Variants in CNKSR2 observed in about 807,000 individuals in gnomAD.
CNKSR2 encodes the protein connector enhancer of kinase suppressor of Ras 2.
A neutral mutation model predicts 84.4 loss-of-function variants in CNKSR2; 14 were observed. That is an observed-to-expected ratio of 0.17 (90% CI 0.11 to 0.26). The LOEUF is 0.26. CNKSR2 is among the 10% of genes least tolerant of loss of function. The pLI, the probability that CNKSR2 is intolerant of heterozygous loss-of-function variation, is 1.00. For missense variants in CNKSR2, 485 were observed against 771.2 expected (o/e 0.63, Z 4.40); for synonymous variants, 275 against 277.9 (o/e 0.99, Z 0.10).
chrX:21,418,175 A>G (rs1268821437), intron 1 of CNKSR2, among the ~76,000 whole-genome samples: 3 of 111,834 alleles, frequency 2.7e-5, no homozygotes, highest in African/African-American at 9.7e-5. Flanking sequence ...TAAAAACTCT[A>G]TGCCTCAACT....
At chrX:21,591,723 A>G (rs1007827608) in intron 15 of CNKSR2, 6 of 110,608 alleles carry the variant, frequency 5.4e-5, no homozygotes, top group Admixed American at 9.7e-5. Context: ...GGGTATATAT[A>G]TAATACATTT....
intron 4 of CNKSR2, among the ~76,000 whole-genome samples, chrX:21,461,349 T>A (rs968205300): frequency 8.9e-6 from 1 of 112,663 alleles, no homozygotes. Context: ...AACTGTCTAT[T>A]CAAATCTTTT....
In CNKSR2 at chrX:21,445,552, G is replaced by A. The variant is rs191470177; in HGVS notation, c.519+4771G>A. On this transcript the variant is annotated intron_variant, in intron 4 of 21. Transcript: ENST00000379510. The stretch of plus-strand genomic sequence containing the variant: ...TAGAACACTAGGATTTTTTCCTCCC[G>A]TCTAGCTGTAATTTTGTATCTATTA... 4.3e-4 allele frequency among the ~76,000 whole-genome samples: 47 copies of A among 110,141 alleles called. No individual in the cohort carries two copies. In the South Asian group the frequency reaches 7.3e-3, roughly 17 times the overall value.
chrX:21,484,152 G>A (rs1034376712), intron 5 of CNKSR2, among the ~76,000 whole-genome samples: 5 of 110,689 alleles, frequency 4.5e-5, no homozygotes, highest in South Asian at 3.9e-4. Flanking sequence ...TTAGCTGGGC[G>A]TAGTGGTGCG....
At chrX:21,590,759 T>C in intron 14 of CNKSR2, 139 bp downstream of exon 14, 1 of 588,674 alleles carries the variant, frequency 1.7e-6, no homozygotes, top group Non-Finnish European at 2.6e-6. Context: ...AGCTGCCAGC[T>C]TCTTCTTCAG....
intron 1 of CNKSR2, among the ~76,000 whole-genome samples, chrX:21,399,653 A>T (rs1193349364): frequency 9.0e-6 from 1 of 111,529 alleles, no homozygotes; most frequent in African/African-American, 3.3e-5. Context: ...GAATAACCCC[A>T]TTCTAAGTTT....
chrX:21,561,900 C>T (rs2092193585), intron 12 of CNKSR2, among the ~76,000 whole-genome samples: 1 of 110,052 alleles, frequency 9.1e-6, no homozygotes, highest in Non-Finnish European at 1.9e-5. Context: ...ATCATCAGTC[C>T]TCATCGGTCT....
At chrX:21,590,087 G>GA (rs781057043) in intron 13 of CNKSR2, among the ~76,000 whole-genome samples, 1 of 111,378 alleles carries the variant, frequency 9.0e-6, no homozygotes, top group African/African-American at 3.3e-5. Flanking sequence ...GTAGGCATGA[G>GA]AAAAAAATAT....
At chrX:21,443,352 A>G (rs969309435) in intron 4 of CNKSR2, among the ~76,000 whole-genome samples, 1 of 111,657 alleles carries the variant, frequency 9.0e-6, no homozygotes, top group East Asian at 2.8e-4. Flanking sequence ...ATTTACAGTG[A>G]AATCTGAATT....
intron 1 of CNKSR2, among the ~76,000 whole-genome samples, chrX:21,398,635 C>A (rs2090149472): frequency 8.9e-6 from 1 of 111,756 alleles, no homozygotes; most frequent in Non-Finnish European, 1.9e-5. Flanking sequence ...CATCTGGGGC[C>A]AGTAGGAAAA....
intron 1 of CNKSR2, among the ~76,000 whole-genome samples, chrX:21,405,965 G>A (rs762825255): frequency 1.8e-5 from 2 of 110,508 alleles, no homozygotes; most frequent in South Asian, 7.7e-4. Context: ...GCAGAGTAGC[G>A]TGTAGATTCT....
At chrX:21,646,048 T>C (rs1482542152) in intron 20 of CNKSR2, 1 of 111,409 alleles carries the variant, frequency 9.0e-6, no homozygotes, top group Admixed American at 9.6e-5. Flanking sequence ...AAGTAATTGG[T>C]GGCATTTTGT....
At chrX:21,523,821 G>T (rs2147109167) in intron 9 of CNKSR2, among the ~76,000 whole-genome samples, 1 of 110,326 alleles carries the variant, frequency 9.1e-6, no homozygotes, top group Non-Finnish European at 1.9e-5. Context: ...TTCTGTACTT[G>T]ATTTAGTCAA....
chrX:21,411,589 A>G (rs1379544946), intron 1 of CNKSR2, among the ~76,000 whole-genome samples: 1 of 110,791 alleles, frequency 9.0e-6, no homozygotes, highest in Non-Finnish European at 1.9e-5. Flanking sequence ...TCCTGTCTCC[A>G]AGCTGCTGAG....
At chrX:21,522,100 A>G (rs1337405662) in intron 9 of CNKSR2, among the ~76,000 whole-genome samples, 1 of 111,029 alleles carries the variant, frequency 9.0e-6, no homozygotes, top group Non-Finnish European at 1.9e-5. Context: ...TCTCTGAAGC[A>G]TTTGCTTAGA....
chrX:21,426,225 A>G (rs2090562461), intron 1 of CNKSR2: 1 of 275,661 alleles, frequency 3.6e-6, no homozygotes, highest in Admixed American at 6.3e-5. Context: ...ATAGTCAGCA[A>G]GGAGAACTGC....
At chrX:21,564,178 A>G (rs5951608) in intron 13 of CNKSR2, among the ~76,000 whole-genome samples, 41,941 of 110,701 alleles carry the variant, frequency 0.38, 9,532 homozygotes, top group African/African-American at 0.86. Context: ...GCATGAGGAA[A>G]GGACAGTAGA....
In CNKSR2 at chrX:21,440,273, C is replaced by T. The variant is rs192991288; in HGVS notation, c.432-421C>T. The stretch of plus-strand genomic sequence containing the variant: ...GAATAGTAACTGGCACATAGTGAGC[C>T]CTCAGTAAACCTTAGCAGTTGTTAT... On this transcript the variant is annotated intron_variant, in intron 3 of 21. Transcript: ENST00000379510. Among the ~76,000 whole-genome samples, 48 of 110,999 alleles carry T rather than the reference C, an allele frequency of 4.3e-4. 1 individual carries two copies. Among genetic ancestry groups the T allele is most frequent in the African/African-American group, 1.4e-3 (44 of 30,654 alleles).
chrX:21,516,988 A>C (rs970157898), intron 9 of CNKSR2, among the ~76,000 whole-genome samples: 2 of 111,981 alleles, frequency 1.8e-5, no homozygotes, highest in Non-Finnish European at 3.8e-5. Context: ...CTTTTAGAAG[A>C]AGCTAAATGA....
Sources: allele counts gnomAD v4.1 joint callset (sites outside exome capture counted in the v4.1 genomes callset), GRCh38; gene constraint gnomAD v4.1.1; transcripts MANE v1.5; gene names NCBI Gene and HGNC (gene_info 2026-07-23, HGNC 2026-07-21).